UBE3C: variants seen among roughly 807,000 people sequenced by gnomAD.
UBE3C encodes the protein ubiquitin-protein ligase E3C.
UBE3C carries 42 observed loss-of-function variants against 129.4 expected under a neutral mutation model. The ratio of observed to expected loss-of-function variants is 0.32; its 90% CI spans 0.25 to 0.42. The LOEUF (loss-of-function observed/expected upper bound fraction) is 0.42. Ranked by LOEUF, UBE3C falls within the 10% of genes least tolerant of loss-of-function variation. UBE3C has a pLI of 1.00. For missense variants in UBE3C, 1,049 were observed against 1,319.1 expected (o/e 0.80, Z 3.17); for synonymous variants, 510 against 492.4 (o/e 1.04, Z -0.47).
chr7:157,150,433 T>G (rs914828216), intron 1 of UBE3C, among the ~76,000 whole-genome samples: 1 of 152,066 alleles, frequency 6.6e-6, no homozygotes, highest in African/African-American at 2.4e-5. Flanking sequence ...CAGAACAAAT[T>G]TCTACATTTA....
At chr7:157,225,958 A>AG (rs1795868266) in intron 17 of UBE3C, among the ~76,000 whole-genome samples, 2 of 152,218 alleles carry the variant, frequency 1.3e-5, no homozygotes, top group Non-Finnish European at 2.9e-5. Flanking sequence ...TCCAAAAAAA[A>AG]GTGTAGCAAG....
intron 11 of UBE3C, among the ~76,000 whole-genome samples, chr7:157,204,409 A>G (rs1235101253): frequency 6.6e-6 from 1 of 151,746 alleles, no homozygotes; most frequent in African/African-American, 2.4e-5. Flanking sequence ...AAAAAAAAAA[A>G]AAAAAAAAAT....
intron 1 of UBE3C, 90 bp from the exon 2 acceptor site, chr7:157,163,720 T>G: frequency 1.4e-6 from 2 of 1,404,386 alleles, no homozygotes; most frequent in Non-Finnish European, 2.0e-6. Flanking sequence ...TTAGGATCTT[T>G]TTTTGGGTGA....
At chr7:157,199,178 T>A (rs1809208296) in intron 10 of UBE3C, among the ~76,000 whole-genome samples, 1 of 152,248 alleles carries the variant, frequency 6.6e-6, no homozygotes, top group African/African-American at 2.4e-5. Flanking sequence ...TAACATTTTT[T>A]AAAAACTCAA....
intron 11 of UBE3C, among the ~76,000 whole-genome samples, chr7:157,203,144 A>G (rs530824073): frequency 4.8e-4 from 73 of 152,336 alleles, no homozygotes; most frequent in African/African-American, 1.7e-3. Flanking sequence ...AACAGTTCAT[A>G]CTAATGAAAG....
chr7:157,169,851 T>C (rs1015311233), intron 3 of UBE3C, among the ~76,000 whole-genome samples: 1 of 152,008 alleles, frequency 6.6e-6, no homozygotes, highest in Non-Finnish European at 1.5e-5. Flanking sequence ...TGGCTAAATG[T>C]TTTTGTATTT....
chr7:157,190,047 G>A (rs751663938), intron 10 of UBE3C, among the ~76,000 whole-genome samples: 1 of 152,142 alleles, frequency 6.6e-6, no homozygotes, highest in Non-Finnish European at 1.5e-5. Flanking sequence ...GTGATCTCCC[G>A]CCTCAGCTTT....
chr7:157,261,949 C>T (rs373829120), intron 22 of UBE3C, among the ~76,000 whole-genome samples: 41 of 152,294 alleles, frequency 2.7e-4, no homozygotes, highest in Admixed American at 7.8e-4. Context: ...TGAAGAACTT[C>T]ATTTTTTTAC....
At position 157,170,422 on chromosome 7, in the gene UBE3C, A is replaced by G; in HGVS notation, c.314A>G (p.Tyr105Cys). Residue 105 changes from tyrosine (Y) to cysteine (C), a missense_variant, in exon 4 of 23, where the codon TAC (tyrosine) becomes TGC (cysteine). Transcript: ENST00000348165. The stretch of plus-strand genomic sequence containing the variant: ...TTGGTAAGGCAGCTTCTGTTTTTTT[A>G]CAAACAAAATGAAGACTCAAAACGT... ...TLLVRQLLFF[Y>C]KQNEDSKRLI... The G allele has an allele frequency of 1.9e-6, 3 of 1,560,206 alleles. No homozygotes were observed. The highest frequency in any genetic ancestry group is 2.6e-6 in the Non-Finnish European group (3 of 1,157,600).
chr7:157,251,699 A>G (rs1352096177), intron 19 of UBE3C, among the ~76,000 whole-genome samples: 1 of 152,212 alleles, frequency 6.6e-6, no homozygotes, highest in African/African-American at 2.4e-5. Context: ...CCAGTTAAAT[A>G]TATTTGTATT....
rs62491936 is a variant in UBE3C, at chr7:157,141,425, C to G, written c.66+2087C>G. On this transcript the variant is annotated intron_variant, in intron 1 of 22. Transcript: ENST00000348165. Reference sequence around the variant, plus strand: ...TCCAGTTGGTTGTTGTGGGACCGTCCTAGAGTGCACTTAACAGAAACCTAT... The same window carrying G: ...TCCAGTTGGTTGTTGTGGGACCGTCGTAGAGTGCACTTAACAGAAACCTAT... 9.9e-5 allele frequency among the ~76,000 whole-genome samples: 15 copies of G among 152,234 alleles called. No individual in the cohort carries two copies. The East Asian group carries it at 2.9e-3, about 29-fold the overall frequency.
At chr7:157,259,715 G>C (rs1220273138) in intron 22 of UBE3C, among the ~76,000 whole-genome samples, 1 of 152,184 alleles carries the variant, frequency 6.6e-6, no homozygotes, top group Non-Finnish European at 1.5e-5. Context: ...GGGCTGCACA[G>C]GGCTGGAGGT....
chr7:157,204,397 T>TAAAAAAAAAAAAA (rs1809374148), intron 11 of UBE3C, among the ~76,000 whole-genome samples: 1 of 93,096 alleles, frequency 1.1e-5, no homozygotes, highest in East Asian at 4.8e-4. Context: ...AAACTTTGTT[T>TAAAAAAAAAAAAA]CAAAAAAAAA....
intron 10 of UBE3C, among the ~76,000 whole-genome samples, chr7:157,187,497 C>G (rs1423407158): frequency 1.3e-5 from 2 of 151,712 alleles, no homozygotes; most frequent in African/African-American, 2.4e-5. Flanking sequence ...TCCTTTCACC[C>G]CAACCTTCTG....
intron 2 of UBE3C, 64 bp from the exon 3 acceptor site, chr7:157,168,984 A>G: frequency 7.4e-7 from 1 of 1,358,078 alleles, no homozygotes; most frequent in South Asian, 1.2e-5. Context: ...AGTCTTTACT[A>G]GCAAAATGTC....
intron 14 of UBE3C, among the ~76,000 whole-genome samples, chr7:157,219,716 T>C (rs1270129359): frequency 6.6e-6 from 1 of 152,102 alleles, no homozygotes; most frequent in Non-Finnish European, 1.5e-5. Flanking sequence ...CTGGCCAACA[T>C]GGTGAAACCC....
chr7:157,252,541 T>C (rs927984772), intron 19 of UBE3C, among the ~76,000 whole-genome samples: 4 of 152,254 alleles, frequency 2.6e-5, no homozygotes, highest in Non-Finnish European at 5.9e-5. Flanking sequence ...ATCTGGTAAG[T>C]TGAACGTTCA....
rs1023159174 is a variant in UBE3C at position 157,242,883 on chromosome 7, C to T, written c.2482-5485C>T. Among the ~76,000 whole-genome samples the T allele has an allele frequency of 2.6e-5, 4 of 152,098 alleles. No individual in the cohort carries two copies. The South Asian group carries it at 6.2e-4, about 24-fold the overall frequency. ...CAGCCTGACCAACATGGTGAAACCC[C>T]GTCTCTACTCAAAATACAAAAATAA... On this transcript the variant is annotated intron_variant, in intron 18 of 22. Coordinates refer to ENST00000348165, the MANE Select transcript of UBE3C (RefSeq NM_014671.3).
intron 21 of UBE3C, among the ~76,000 whole-genome samples, chr7:157,255,016 G>A (rs1482247639): frequency 6.6e-6 from 1 of 152,062 alleles, no homozygotes; most frequent in African/African-American, 2.4e-5. Context: ...CGGGTGCTGA[G>A]GCAGGAGAAT....
Sources: gnomAD v4.1 joint callset for allele counts (sites outside exome capture counted in the v4.1 genomes callset) on GRCh38, gnomAD v4.1.1 for gene constraint, MANE v1.5 for transcripts, NCBI Gene and HGNC (gene_info 2026-07-23, HGNC 2026-07-21) for gene names.